The following SV2C variants were observed in gnomAD, a reference collection of about 807,000 sequenced individuals.
SV2C encodes the protein solute carrier family 22 member B3.
In SV2C, 49 loss-of-function variants were observed where a neutral mutation model predicts 79.7. The observed-to-expected ratio is 0.61, with a 90% CI of 0.49 to 0.78. SV2C has a LOEUF of 0.78. Ranked by LOEUF, SV2C falls within the 30% of genes least tolerant of loss-of-function variation. SV2C has a pLI of 0.00. For missense variants in SV2C, 833 were observed against 912.9 expected (o/e 0.91, Z 1.13); for synonymous variants, 334 against 333.2 (o/e 1.00, Z -0.03).
the SV2C span, among the ~76,000 whole-genome samples, chr5:76,004,127 A>T: frequency 6.6e-6 from 1 of 152,160 alleles, no homozygotes; most frequent in Non-Finnish European, 1.5e-5. Flanking sequence ...CTTTTCCTAG[A>T]GCCAAATCAA....
chr5:76,226,093 C>G (rs1745228849), intron 4 of SV2C, among the ~76,000 whole-genome samples: 1 of 152,178 alleles, frequency 6.6e-6, no homozygotes, highest in Non-Finnish European at 1.5e-5. Context: ...GGGAGTTCAG[C>G]CTTGCTGGGG....
chr5:76,291,300 G>T lies in SV2C; in HGVS notation c.1217G>T (p.Cys406Phe). Residue 406 changes from cysteine to phenylalanine, a missense_variant, in exon 7 of 13, where the codon TGT becomes TTT. Coordinates refer to ENST00000502798, the MANE Select transcript of SV2C (RefSeq NM_014979.4). ...GACACAGGAACATGGTATAGGAGGT[G>T]TTTTGTTCGGATCCGCACCGAGCTG... ...ESDTGTWYRR[C>F]FVRIRTELYG... is the part of the protein sequence containing the mutation. The T allele has an allele frequency of 6.2e-7, 1 of 1,612,988 alleles. No homozygotes were observed.
At chr5:76,139,132 A>G (rs1029562079) in intron 2 of SV2C, among the ~76,000 whole-genome samples, 2 of 151,740 alleles carry the variant, frequency 1.3e-5, no homozygotes, top group Non-Finnish European at 2.9e-5. Flanking sequence ...AAAAAAAAAG[A>G]ATGTATTATT....
chr5:76,349,745 C>G (rs1359839080), intron 12 of SV2C, among the ~76,000 whole-genome samples: 2 of 150,938 alleles, frequency 1.3e-5, no homozygotes, highest in Non-Finnish European at 2.9e-5. Flanking sequence ...TCATAGCTCA[C>G]TGCAGCCTCA....
At chr5:75,873,188 T>C in the SV2C span, among the ~76,000 whole-genome samples, 1 of 152,124 alleles carries the variant, frequency 6.6e-6, no homozygotes, top group African/African-American at 2.4e-5. Context: ...TTTAATACAA[T>C]GAATTCATGA....
chr5:76,140,553 G>A (rs1010590109), intron 2 of SV2C, among the ~76,000 whole-genome samples: 1 of 152,110 alleles, frequency 6.6e-6, no homozygotes, highest in Non-Finnish European at 1.5e-5. Flanking sequence ...CCACTAGACT[G>A]CAGGTGGAGT....
the SV2C span, among the ~76,000 whole-genome samples, chr5:76,071,120 G>C: frequency 1.3e-5 from 2 of 152,192 alleles, no homozygotes; most frequent in Admixed American, 6.5e-5. Flanking sequence ...GAGAGAGCAG[G>C]CAAGTGCTCC....
chr5:76,236,341 G>A (rs1402200502), intron 4 of SV2C, among the ~76,000 whole-genome samples: 2 of 152,260 alleles, frequency 1.3e-5, no homozygotes, highest in Middle Eastern at 3.4e-3. Flanking sequence ...AGGAAGGCAG[G>A]TGGATCACTT....
chr5:76,330,321 G>T lies in SV2C; in HGVS notation c.*4774G>T, dbSNP rs951462686. ...GAATACAGTTTATGGGTCTGTTTCAGCTCTTACTTAAGGCTAGCATGGTTG... is the reference window on the plus strand; with the variant it reads ...GAATACAGTTTATGGGTCTGTTTCATCTCTTACTTAAGGCTAGCATGGTTG... On this transcript the variant is annotated 3_prime_UTR_variant, in exon 13 of 13. Coordinates refer to ENST00000502798, the MANE Select transcript of SV2C (RefSeq NM_014979.4). The T allele has an allele frequency of 4.6e-5, 7 of 152,178 alleles. No individual in the cohort carries two copies. The highest frequency in any genetic ancestry group is 1.7e-4 in the African/African-American group (7 of 41,440). 9.4% of individuals were successfully genotyped at this position (152,178 alleles called of 1,614,324 possible).
the SV2C span, among the ~76,000 whole-genome samples, chr5:75,967,986 G>A: frequency 6.6e-6 from 1 of 152,166 alleles, no homozygotes; most frequent in South Asian, 2.1e-4. Flanking sequence ...CCAGAGGAAT[G>A]ATAAGGCAGC....
the SV2C span, among the ~76,000 whole-genome samples, chr5:76,048,015 A>G: frequency 0.068 from 10,347 of 152,218 alleles, 1,171 homozygotes; most frequent in African/African-American, 0.23. Context: ...TCACCACAAA[A>G]GTGATAATTG....
intron 1 of SV2C, among the ~76,000 whole-genome samples, chr5:76,113,618 T>A (rs1353927270): frequency 6.6e-6 from 1 of 152,168 alleles, no homozygotes; most frequent in Non-Finnish European, 1.5e-5. Context: ...TTGGGAGGAT[T>A]TAAGCCAAGA....
At chr5:75,998,850 T>G in the SV2C span, among the ~76,000 whole-genome samples, 4 of 152,114 alleles carry the variant, frequency 2.6e-5, no homozygotes, top group Non-Finnish European at 5.9e-5. Context: ...CTCTCTATTG[T>G]ATATATACAC....
At chr5:76,243,015 A>G (rs1745838346) in intron 4 of SV2C, among the ~76,000 whole-genome samples, 2 of 22,852 alleles carry the variant, frequency 8.8e-5, no homozygotes, top group Admixed American at 7.4e-4. Flanking sequence ...CCCCATCTAA[A>G]AAAAAAAAAA....
the SV2C span, among the ~76,000 whole-genome samples, chr5:76,076,565 A>G: frequency 6.6e-6 from 1 of 151,424 alleles, no homozygotes. Flanking sequence ...TTTTTTTTTG[A>G]AGTCCAGGAT....
the SV2C span, among the ~76,000 whole-genome samples, chr5:76,066,540 C>T: frequency 6.6e-6 from 1 of 151,024 alleles, no homozygotes; most frequent in Non-Finnish European, 1.5e-5. Context: ...ACCAACATGG[C>T]ACATGTATAC....
At chr5:76,000,833 C>T in the SV2C span, among the ~76,000 whole-genome samples, 1 of 152,056 alleles carries the variant, frequency 6.6e-6, no homozygotes, top group Non-Finnish European at 1.5e-5. Flanking sequence ...AAGAATCACA[C>T]CTCCCTTCTC....
the SV2C span, among the ~76,000 whole-genome samples, chr5:76,032,242 A>G: frequency 8.4e-6 from 1 of 118,548 alleles, no homozygotes; most frequent in Admixed American, 7.3e-5. Context: ...TTCCTGTGAT[A>G]AATAATCTTT....
chr5:76,127,131 A>C (rs930533467), intron 1 of SV2C, among the ~76,000 whole-genome samples: 1 of 152,208 alleles, frequency 6.6e-6, no homozygotes, highest in African/African-American at 2.4e-5. Context: ...AGGCGGAGCT[A>C]TCCAAGATCT....
Sources: allele counts gnomAD v4.1 joint callset (sites outside exome capture counted in the v4.1 genomes callset), GRCh38; gene constraint gnomAD v4.1.1; transcripts MANE v1.5; gene names NCBI Gene and HGNC (gene_info 2026-07-23, HGNC 2026-07-21).